MUC4: variants seen among roughly 807,000 people sequenced by gnomAD.
MUC4 encodes mucin-4.
Under a neutral mutation model 257.9 loss-of-function variants are expected in MUC4, and 202 were observed. The ratio of observed to expected loss-of-function variants is 0.78; its 90% CI spans 0.70 to 0.88. MUC4 has a LOEUF of 0.88. MUC4 is among the 40% of genes least tolerant of loss of function. The probability of loss-of-function intolerance (pLI) is 0.00; values close to 1 mark genes in which losing one functional copy is unlikely to be tolerated. For missense variants in MUC4, 5,976 were observed against 6,513.7 expected, an observed-to-expected ratio of 0.92 and a Z score of 2.84; for synonymous variants, 2,351 against 2,757.1, an observed-to-expected ratio of 0.85 and a Z score of 4.62.
In MUC4 at chr3:195,764,932, A is replaced by G. The variant is rs1490381067; in HGVS notation, c.13924+65T>C. 1.0e-5 allele frequency: 16 copies of G among 1,584,876 alleles called. No individual in the cohort carries two copies. The South Asian group carries it at 1.7e-4, about 17-fold the overall frequency. ...GGGTCTGGGAAGGAATGAGGACGAG[A>G]GGCTTCATGCTGAGGGTCCCCTACT... is the stretch of plus-strand genomic sequence containing the variant. On this transcript the variant is annotated intron_variant, in intron 10 of 24. Coordinates refer to ENST00000463781, the MANE Select transcript of MUC4 (RefSeq NM_018406.7).
At chr3:195,762,409 C>G (rs1407474913) in intron 13 of MUC4, among the ~76,000 whole-genome samples, 155 bp from the exon 14 acceptor site, 1 of 152,128 alleles carries the variant, frequency 6.6e-6, no homozygotes, top group African/African-American at 2.4e-5. Context: ...CGGCGAGCTG[C>G]ACGCCCCGCT....
At chr3:195,758,498 T>A (rs2148786123) in intron 17 of MUC4, among the ~76,000 whole-genome samples, 1 of 152,214 alleles carries the variant, frequency 6.6e-6, no homozygotes, top group African/African-American at 2.4e-5. Context: ...ACTTGATTAT[T>A]CTAATAATTT....
In MUC4 at chr3:195,747,067, G is replaced by T; in HGVS notation, c.*109C>A. On this transcript the variant is annotated 3_prime_UTR_variant, in exon 25 of 25. Transcript: ENST00000463781. ...GTATTCATTCTCCTTGAAGAATCCTGACAGCCTTCAGTCACCTTCCCTTTT... is the reference window on the plus strand; with the variant it reads ...GTATTCATTCTCCTTGAAGAATCCTTACAGCCTTCAGTCACCTTCCCTTTT... The T allele has an allele frequency of 7.1e-7, 1 of 1,414,896 alleles. No individual in the cohort carries two copies. The highest frequency in any genetic ancestry group is 9.9e-7 in the Non-Finnish European group (1 of 1,013,484). 87.6% of individuals were successfully genotyped at this position (1,414,896 alleles called of 1,614,324 possible).
Position 195,774,279 on chromosome 3 carries a change from C to G in MUC4, c.12970G>C (p.Gly4324Arg), listed in dbSNP as rs1314859263. Residue 4324 changes from glycine to arginine, a missense_variant, in exon 4 of 25, where the codon GGC becomes CGC. Transcript: ENST00000463781. ...CTGACGAACTCCAGGTCCCCGGCGC[C>G]TGCCCCATAGGGGAAGAGGGAAACT... Reference protein sequence around the residue: ...RGVSLFPYGAGAGDLEFVRRT... With the variant: ...RGVSLFPYGARAGDLEFVRRT... 2.5e-6 allele frequency: 4 copies of G among 1,579,488 alleles called. No homozygotes were observed. In the African/African-American group the frequency reaches 5.5e-5, roughly 22 times the overall value.
intron 1 of MUC4, among the ~76,000 whole-genome samples, chr3:195,796,514 C>T (rs1578456799): frequency 6.6e-6 from 1 of 151,454 alleles, no homozygotes; most frequent in African/African-American, 2.4e-5. Context: ...AGATTGAGAC[C>T]ATCCTGGCTA....
chr3:195,764,829 C>T (rs565129339), intron 10 of MUC4, among the ~76,000 whole-genome samples, 168 bp downstream of exon 10: 8 of 152,268 alleles, frequency 5.3e-5, no homozygotes, highest in Admixed American at 6.5e-5. Context: ...GCTCATACAT[C>T]CCCGAATGTC....
In MUC4 at chr3:195,782,149, G is replaced by A; in HGVS notation, c.9431C>T (p.Ser3144Leu). ...ATALPVTSTS[S>L]ASTGDTTPLP... ...AGGGGTGGTGTCACCTGTGGATGCT[G>A]AGGAAGTGCTGGTGACAGGAAGAGC... is the stretch of plus-strand genomic sequence containing the variant. Residue 3144 changes from serine to leucine, a missense_variant, in exon 2 of 25, where the codon TCA (serine) becomes TTA (leucine). Around this residue, in one of 44 missense-constraint regions of MUC4, gnomAD observed 128 missense variants for 104.8 expected, o/e 1.22. Coordinates refer to ENST00000463781, the MANE Select transcript of MUC4 (RefSeq NM_018406.7). 2 of 1,358,724 alleles carry A rather than the reference G, an allele frequency of 1.5e-6. No homozygotes were observed. The highest frequency in any genetic ancestry group is 1.9e-6 in the Non-Finnish European group (2 of 1,033,854). 84.2% of individuals were successfully genotyped at this position (1,358,724 alleles called of 1,614,324 possible). A position where few individuals can be genotyped will look rare whatever the true frequency, so the allele number is the denominator to read the frequency against.
chr3:195,761,654 G>A (rs1318267403), intron 14 of MUC4, 69 bp from the exon 15 acceptor site: 6 of 1,235,848 alleles, frequency 4.9e-6, no homozygotes, highest in South Asian at 3.7e-5. Flanking sequence ...AGCATCCGGC[G>A]GACGCAGTGG....
chr3:195,774,901 C>CAA (rs10666795), intron 3 of MUC4, among the ~76,000 whole-genome samples: 50,927 of 118,054 alleles, frequency 0.43, 11,103 homozygotes, highest in East Asian at 0.73. Context: ...AACTCCATCT[C>CAA]AAAAAAAAAA....
chr3:195,787,439 T>G lies in MUC4; in HGVS notation c.4141A>C (p.Ser1381Arg). ...TCACCTGTGGATACTGAGGAAAGGCTGGTGACAGGAAGAGGGGTGGCCTGA... is the reference window on the plus strand; with the variant it reads ...TCACCTGTGGATACTGAGGAAAGGCGGGTGACAGGAAGAGGGGTGGCCTGA... ...TGQATPLPVT[S>R]LSSVSTGDTT... is the part of the protein sequence containing the mutation. The change falls in exon 2 of 25, where the codon AGC (serine) becomes CGC (arginine). Residue 1381 changes from serine (S) to arginine (R), a missense_variant. Around this residue, in one of 44 missense-constraint regions of MUC4, gnomAD observed 58 missense variants for 65.4 expected, o/e 0.89. Transcript: ENST00000463781. 1.5e-6 allele frequency: 1 copy of G among 674,026 alleles called. No individual in the cohort carries two copies. The highest frequency in any genetic ancestry group is 1.7e-5 in the South Asian group (1 of 59,642). The allele number at this position is 674,026 out of a possible 1,614,324, so 41.8% of individuals were successfully genotyped here. A position where few individuals can be genotyped will look rare whatever the true frequency, so the allele number is the denominator to read the frequency against.
At chr3:195,776,792 A>G (rs866329373) in intron 3 of MUC4, among the ~76,000 whole-genome samples, 2 of 97,624 alleles carry the variant, frequency 2.0e-5, no homozygotes, top group Admixed American at 9.8e-5. Flanking sequence ...TTCCACACCC[A>G]TACCTTCCAC....
At chr3:195,767,082 G>A (rs111469231) in intron 7 of MUC4, among the ~76,000 whole-genome samples, 39 of 152,206 alleles carry the variant, frequency 2.6e-4, no homozygotes, top group African/African-American at 8.7e-4. Flanking sequence ...ACAAGCAGAG[G>A]GTTTGGAGCG....
At chr3:195,801,695 A>G (rs926771731) in intron 1 of MUC4, among the ~76,000 whole-genome samples, 3 of 152,008 alleles carry the variant, frequency 2.0e-5, no homozygotes, top group African/African-American at 7.3e-5. Context: ...CGTTTTCCTC[A>G]GAGCTACCAG....
At chr3:195,775,348 G>C (rs1048739192) in intron 3 of MUC4, among the ~76,000 whole-genome samples, 2 of 151,556 alleles carry the variant, frequency 1.3e-5, no homozygotes, top group East Asian at 3.9e-4. Context: ...ATGCAGCACC[G>C]GGACGACTTT....
At chr3:195,751,171 A>C in intron 22 of MUC4, 36 bp downstream of exon 22, 1 of 1,529,884 alleles carries the variant, frequency 6.5e-7, no homozygotes, top group Non-Finnish European at 8.9e-7. Context: ...GATGAGGAAG[A>C]GATCTGGGGG....
rs1225577484 is a variant in MUC4 at position 195,780,932 on chromosome 3, T to G, written c.10648A>C (p.Thr3550Pro). ...TSLSSVSTGDTTPLPVTDASS... is the reference protein window; with the variant it reads ...TSLSSVSTGDPTPLPVTDASS... Reference sequence around the variant, plus strand: ...GCGTCGGTGACAGGAAGAGGGGTGGTGTCACCTGTGGATACTGAGGAAAGG... The same window carrying G: ...GCGTCGGTGACAGGAAGAGGGGTGGGGTCACCTGTGGATACTGAGGAAAGG... Residue 3550 changes from threonine (T) to proline (P), a missense_variant, in exon 2 of 25, where the codon ACC becomes CCC. Thr to Pro is a conservative substitution (Grantham distance 38). This residue lies in a region of MUC4 where 297 missense variants were observed against 240.9 expected (regional missense o/e 1.23). Coordinates refer to ENST00000463781, the MANE Select transcript of MUC4 (RefSeq NM_018406.7). 6.6e-7 allele frequency: 1 copy of G among 1,508,590 alleles called. No individual in the cohort carries two copies. Among genetic ancestry groups the G allele is most frequent in the Non-Finnish European group, 8.9e-7 (1 of 1,120,892 alleles). 93.5% of individuals were successfully genotyped at this position (1,508,590 alleles called of 1,614,324 possible).
rs1348545799 is a variant in MUC4, at chr3:195,755,752, C to G, written c.15169-1380G>C. On this transcript the variant is annotated intron_variant, in intron 18 of 24. Transcript: ENST00000463781. This position sits in a 1 kb window ranked among gnomAD's most constrained non-coding sequence, Gnocchi z 5.0. ...AGTATATTGATTTCAATCTCTTTTT[C>G]CCATTGTGTATTTTATGCTTTTCTA... Among the ~76,000 whole-genome samples, 4 of 152,106 alleles carry G rather than the reference C, an allele frequency of 2.6e-5. No individual in the cohort carries two copies. Among genetic ancestry groups the G allele is most frequent in the Non-Finnish European group, 2.9e-5 (2 of 68,016 alleles).
Position 195,763,621 on chromosome 3 carries a change from G to A in MUC4, c.14065C>T (p.His4689Tyr). Residue 4689 changes from histidine (H) to tyrosine (Y), a missense_variant, in exon 12 of 25, where the codon CAC (histidine) becomes TAC (tyrosine). Transcript: ENST00000463781. ...PQPAWMFGDP[H>Y]ITTLDGVSYT... is the part of the protein sequence containing the mutation. ...CTGACACCATCCAAGGTGGTGATGTGGGGGTCCCCGAACATCCAGGCTGGA... is the reference window on the plus strand; with the variant it reads ...CTGACACCATCCAAGGTGGTGATGTAGGGGTCCCCGAACATCCAGGCTGGA... 1 of 1,544,816 alleles carries A rather than the reference G, an allele frequency of 6.5e-7. No individual in the cohort carries two copies. Among genetic ancestry groups the A allele is most frequent in the South Asian group, 1.2e-5 (1 of 82,984 alleles).
chr3:195,748,324 G>A (rs1327498553), intron 24 of MUC4, among the ~76,000 whole-genome samples: 2 of 152,294 alleles, frequency 1.3e-5, no homozygotes, highest in African/African-American at 4.8e-5. Context: ...AGCACTTTGG[G>A]AGGCCAAGGT....
Sources: allele counts gnomAD v4.1 joint callset (sites outside exome capture counted in the v4.1 genomes callset), GRCh38; gene constraint gnomAD v4.1.1; regional missense constraint gnomAD v4.1.1; non-coding constraint Gnocchi (gnomAD v3.1); transcripts MANE v1.5; gene names NCBI Gene and HGNC (gene_info 2026-07-23, HGNC 2026-07-21).